The following RIC1 variants were observed in gnomAD, a reference collection of about 807,000 sequenced individuals.
RIC1 encodes guanine nucleotide exchange factor subunit RIC1.
Under a neutral mutation model 169.0 loss-of-function variants are expected in RIC1, and 88 were observed. That is an observed-to-expected ratio of 0.52 (90% CI 0.44 to 0.62). The LOEUF is 0.62. Ranked by LOEUF, RIC1 falls within the 20% of genes least tolerant of loss-of-function variation. RIC1 has a pLI of 0.00. For synonymous variants in RIC1, 790 were observed against 601.5 expected (o/e 1.31, Z -4.59); for missense variants, 1,877 against 1,725.5 (o/e 1.09, Z -1.56).
intron 2 of RIC1, among the ~76,000 whole-genome samples, chr9:5,679,835 C>T (rs1820704037): frequency 6.6e-6 from 1 of 152,048 alleles, no homozygotes; most frequent in Non-Finnish European, 1.5e-5. Flanking sequence ...CCTTTATTTC[C>T]TTCTCCTGCC....
Position 5,775,413 on chromosome 9 carries a change from G to A in RIC1, c.*1167G>A, listed in dbSNP as rs1413084855. 1 of 152,090 alleles carries A rather than the reference G, an allele frequency of 6.6e-6. No homozygotes were observed. Among genetic ancestry groups the A allele is most frequent in the Non-Finnish European group, 1.5e-5 (1 of 68,006 alleles). 9.4% of individuals were successfully genotyped at this position (152,090 alleles called of 1,614,324 possible). On this transcript the variant is annotated 3_prime_UTR_variant, in exon 26 of 26. Transcript: ENST00000414202. ...TAATTGCTTTAAACACCCATCCACT[G>A]TATGTAATTCTAATTACCTTATAAC... is the stretch of plus-strand genomic sequence containing the variant.
In RIC1 at chr9:5,696,617, A is replaced by C. The variant is rs115301868; in HGVS notation, c.332+6579A>C. Among the ~76,000 whole-genome samples the C allele has an allele frequency of 7.3e-3, 1,109 of 152,302 alleles. 14 individuals carry two copies. Among genetic ancestry groups the C allele is most frequent in the African/African-American group, 0.025 (1,058 of 41,552 alleles). On this transcript the variant is annotated intron_variant, in intron 3 of 25. Transcript: ENST00000414202. ...TTCTTACTTAAAAAAAAATCCAACA[A>C]TGAGAGATCTATAAAGATAAAAAGT...
rs748324760 is a variant in RIC1, at chr9:5,659,677, A to G, written c.252+2987A>G. Among the ~76,000 whole-genome samples, 7 of 152,102 alleles carry G rather than the reference A, an allele frequency of 4.6e-5. No homozygotes were observed. In the East Asian group the frequency reaches 1.3e-3, roughly 29 times the overall value. ...TGTCTTATCAATTATTTAGACCTTC[A>G]ATTTCTGTAAGGAGTGTTTTCTGGT... On this transcript the variant is annotated intron_variant, in intron 2 of 25. Coordinates refer to ENST00000414202, the MANE Select transcript of RIC1 (RefSeq NM_020829.4).
intron 1 of RIC1, among the ~76,000 whole-genome samples, chr9:5,637,180 C>G (rs2130273494): frequency 6.6e-6 from 1 of 152,278 alleles, no homozygotes; most frequent in Admixed American, 6.5e-5. Flanking sequence ...CTGCTTCAGC[C>G]TCCCAAGTAG....
At chr9:5,707,863 C>T (rs943066963) in intron 3 of RIC1, among the ~76,000 whole-genome samples, 1 of 152,020 alleles carries the variant, frequency 6.6e-6, no homozygotes, top group Non-Finnish European at 1.5e-5. Flanking sequence ...GCATTTAATC[C>T]ATTTACATTA....
chr9:5,748,591 C>A (rs907490709), intron 12 of RIC1: 2 of 152,654 alleles, frequency 1.3e-5, no homozygotes, highest in African/African-American at 4.8e-5. Context: ...ATAGCCATTT[C>A]TCTGCTATTT....
At position 5,656,630 on chromosome 9, in the gene RIC1, T is replaced by A. The variant is rs753565664; in HGVS notation, c.192T>A (p.Thr64=). 1.2e-6 allele frequency: 2 copies of A among 1,610,842 alleles called. No individual in the cohort carries two copies. The highest frequency in any genetic ancestry group is 1.7e-6 in the Non-Finnish European group (2 of 1,178,088). The part of the protein sequence containing the change: ...VTYKEPAKSS[T]QFGSYKQAEW... ...ACAAGGAGCCTGCAAAATCATCTAC[T>A]CAGTTTGGATCCTACAAGCAAGCTG... The change falls in exon 2 of 26, where the codon ACT becomes ACA. Residue 64 remains threonine (T), a synonymous_variant. Transcript: ENST00000414202.
At chr9:5,735,239 G>A (rs1563936888) in intron 7 of RIC1, among the ~76,000 whole-genome samples, 1 of 151,722 alleles carries the variant, frequency 6.6e-6, no homozygotes, top group East Asian at 1.9e-4. Flanking sequence ...TCTGACACCT[G>A]TCGTGACTAA....
intron 2 of RIC1, among the ~76,000 whole-genome samples, chr9:5,682,446 G>T (rs1421300177): frequency 6.6e-6 from 1 of 152,104 alleles, no homozygotes; most frequent in Admixed American, 6.6e-5. Flanking sequence ...ATGAAATTCT[G>T]GGTTGAAAAT....
Position 5,720,611 on chromosome 9 carries a change from C to T in RIC1, c.584-3C>T. The stretch of plus-strand genomic sequence containing the variant: ...TATTTCATGTGCTTATTTTTTTCAT[C>T]AGTAGGTTCATTCCTGGGCTTCACA... On this transcript the variant is annotated splice_polypyrimidine_tract_variant and splice_region_variant and intron_variant, in intron 5 of 25. Coordinates refer to ENST00000414202, the MANE Select transcript of RIC1 (RefSeq NM_020829.4). 4 of 1,578,110 alleles carry T rather than the reference C, an allele frequency of 2.5e-6. No individual in the cohort carries two copies. The South Asian group carries it at 4.7e-5, about 19-fold the overall frequency.
At chr9:5,652,115 T>TTG (rs35547238) in intron 1 of RIC1, among the ~76,000 whole-genome samples, 21,729 of 152,208 alleles carry the variant, frequency 0.14, 2,896 homozygotes, top group African/African-American at 0.35. Context: ...TAATACAGCT[T>TTG]TGTAGTATAT....
chr9:5,754,803 A>G, intron 14 of RIC1, 38 bp from the exon 15 acceptor site: 1 of 1,181,390 alleles, frequency 8.5e-7, no homozygotes, highest in South Asian at 1.5e-5. Flanking sequence ...AATTTCTGGT[A>G]GCATAAGGTA....
chr9:5,752,521 A>G (rs112750303), intron 12 of RIC1, among the ~76,000 whole-genome samples: 65 of 151,634 alleles, frequency 4.3e-4, no homozygotes, highest in African/African-American at 1.5e-3. Context: ...GCTCACTGCA[A>G]CCTCTGCCTC....
intron 2 of RIC1, among the ~76,000 whole-genome samples, chr9:5,682,548 C>T (rs1270805724): frequency 1.3e-5 from 2 of 152,234 alleles, no homozygotes; most frequent in Admixed American, 6.5e-5. Context: ...TGATGGGCTT[C>T]TCTTTGTGGG....
At chr9:5,702,701 G>A (rs1176779903) in intron 3 of RIC1, among the ~76,000 whole-genome samples, 4 of 152,062 alleles carry the variant, frequency 2.6e-5, no homozygotes, top group African/African-American at 4.8e-5. Context: ...GCCATGCCCG[G>A]CTAATTTTTT....
chr9:5,757,487 A>G (rs1158230803), intron 17 of RIC1, 36 bp downstream of exon 17: 1 of 1,609,720 alleles, frequency 6.2e-7, no homozygotes, highest in Non-Finnish European at 8.5e-7. Context: ...TGGAGTTTAC[A>G]TTTCTGTTTT....
chr9:5,722,255 GA>G (rs371188597), intron 6 of RIC1, among the ~76,000 whole-genome samples: 2,597 of 139,916 alleles, frequency 0.019, 33 homozygotes, highest in Non-Finnish European at 0.023. Flanking sequence ...TGGAGGAAGA[GA>G]TTTTTTTTTT....
intron 12 of RIC1, among the ~76,000 whole-genome samples, chr9:5,752,601 C>T (rs1054785259): frequency 2.6e-5 from 4 of 151,768 alleles, no homozygotes; most frequent in Admixed American, 6.6e-5. Context: ...CCATCATGCA[C>T]GGTTTCGTAT....
chr9:5,631,371 G>T (rs1384798463), intron 1 of RIC1, among the ~76,000 whole-genome samples: 7 of 152,066 alleles, frequency 4.6e-5, no homozygotes, highest in Non-Finnish European at 8.8e-5. Context: ...TGAAATGCAG[G>T]AATACCTTAG....
Sources: gnomAD v4.1 joint callset for allele counts (sites outside exome capture counted in the v4.1 genomes callset) on GRCh38, gnomAD v4.1.1 for gene constraint, MANE v1.5 for transcripts, NCBI Gene and HGNC (gene_info 2026-07-23, HGNC 2026-07-21) for gene names.